The following ELP3 variants were observed in gnomAD, a reference collection of about 807,000 sequenced individuals.
ELP3 encodes the protein elongator acetyltransferase complex subunit 3, also known as elongator complex protein 3.
In ELP3, 56 loss-of-function variants were observed where a neutral mutation model predicts 74.9. The ratio of observed to expected loss-of-function variants is 0.75; its 90% CI spans 0.60 to 0.93. The LOEUF is 0.93. Among genes scored for constraint, ELP3 ranks in the 40% least tolerant of loss-of-function variants. The pLI, the probability that ELP3 is intolerant of heterozygous loss-of-function variation, is 0.00. For synonymous variants in ELP3, 222 were observed against 239.8 expected, an observed-to-expected ratio of 0.93 and a Z score of 0.68; for missense variants, 573 against 686.5, an observed-to-expected ratio of 0.83 and a Z score of 1.85.
At position 28,110,449 on chromosome 8, in the gene ELP3, A is replaced by T. The variant is rs770408147; in HGVS notation, c.462+11A>T. The stretch of plus-strand genomic sequence containing the variant: ...CACCGAATAGAACAGGTACATTTTT[A>T]AAAAACATGTTTCTTAAAAATTAGG... On this transcript the variant is annotated intron_variant, in intron 6 of 14. Coordinates refer to ENST00000256398, the MANE Select transcript of ELP3 (RefSeq NM_018091.6). The T allele has an allele frequency of 3.7e-6, 6 of 1,601,480 alleles. No individual in the cohort carries two copies. The highest frequency in any genetic ancestry group is 4.5e-5 in the East Asian group (2 of 44,778).
At chr8:28,146,203 A>C (rs1813424504) in intron 10 of ELP3, among the ~76,000 whole-genome samples, 1 of 152,184 alleles carries the variant, frequency 6.6e-6, no homozygotes, top group African/African-American at 2.4e-5. Flanking sequence ...CCAGCCCTGA[A>C]GGGTGCAGTC....
chr8:28,185,612 G>A (rs539734697), intron 14 of ELP3, among the ~76,000 whole-genome samples: 35 of 152,286 alleles, frequency 2.3e-4, no homozygotes, highest in Non-Finnish European at 4.3e-4. Flanking sequence ...TTTGTAGATA[G>A]GGGAAGTATC....
At chr8:28,188,296 G>A (rs532253321) in intron 14 of ELP3, among the ~76,000 whole-genome samples, 10 of 152,224 alleles carry the variant, frequency 6.6e-5, no homozygotes, top group African/African-American at 2.4e-4. Flanking sequence ...TTTGGTCTCT[G>A]TTCCTGGTTC....
intron 7 of ELP3, among the ~76,000 whole-genome samples, chr8:28,126,908 T>G (rs1034968227): frequency 4.6e-4 from 70 of 152,356 alleles, no homozygotes; most frequent in Admixed American, 3.3e-3. Flanking sequence ...AAAAATTCAT[T>G]GTTTTGTCAT....
At chr8:28,175,628 A>G (rs537740933) in intron 14 of ELP3, among the ~76,000 whole-genome samples, 4 of 152,198 alleles carry the variant, frequency 2.6e-5, no homozygotes, top group Admixed American at 2.6e-4. Context: ...CCTCAGGAAT[A>G]ATTTCTGTTG....
At chr8:28,155,519 G>T (rs1813790857) in intron 10 of ELP3, among the ~76,000 whole-genome samples, 2 of 152,200 alleles carry the variant, frequency 1.3e-5, no homozygotes, top group South Asian at 4.1e-4. Flanking sequence ...GAGCATCCCA[G>T]TTACTTGTCA....
intron 1 of ELP3, 54 bp downstream of exon 1, chr8:28,093,287 C>T (rs1811117427): frequency 8.7e-6 from 14 of 1,606,226 alleles, no homozygotes; most frequent in Non-Finnish European, 1.2e-5. Context: ...GGGCGAACGC[C>T]CAGGCAATCA....
intron 3 of ELP3, among the ~76,000 whole-genome samples, chr8:28,100,492 A>T (rs561047622): frequency 1.2e-4 from 19 of 152,234 alleles, no homozygotes; most frequent in Non-Finnish European, 2.1e-4. Context: ...GCTAAGGCAC[A>T]GAGGTAGAAA....
intron 14 of ELP3, among the ~76,000 whole-genome samples, chr8:28,177,519 T>C (rs556257211): frequency 6.6e-6 from 1 of 152,364 alleles, no homozygotes; most frequent in Admixed American, 6.5e-5. Context: ...AACAGTTTAA[T>C]TTGTTTTTAT....
chr8:28,177,785 A>G (rs1814821994), intron 14 of ELP3, among the ~76,000 whole-genome samples: 1 of 152,254 alleles, frequency 6.6e-6, no homozygotes, highest in Non-Finnish European at 1.5e-5. Flanking sequence ...GAAAACATTT[A>G]AATTATTAAG....
chr8:28,093,299 A>T, intron 1 of ELP3, 66 bp downstream of exon 1: 1 of 1,596,940 alleles, frequency 6.3e-7, no homozygotes, highest in East Asian at 2.3e-5. Flanking sequence ...AGGCAATCAA[A>T]TGCTGAACCG....
intron 14 of ELP3, among the ~76,000 whole-genome samples, chr8:28,165,544 C>T (rs1814273750): frequency 6.6e-6 from 1 of 152,156 alleles, no homozygotes; most frequent in African/African-American, 2.4e-5. Context: ...CAGTGGTGGC[C>T]TAGATACTCT....
intron 14 of ELP3, among the ~76,000 whole-genome samples, chr8:28,182,917 T>C (rs891344050): frequency 6.6e-5 from 10 of 152,274 alleles, no homozygotes; most frequent in Admixed American, 6.5e-4. Context: ...CTCCTCCGGG[T>C]TGGAGATTCA....
chr8:28,119,358 C>T (rs1235044125), intron 7 of ELP3, among the ~76,000 whole-genome samples: 2 of 151,982 alleles, frequency 1.3e-5, no homozygotes, highest in South Asian at 4.2e-4. Flanking sequence ...ACGATACTTG[C>T]TTTATCACAT....
chr8:28,160,676 A>T (rs1814041227), intron 13 of ELP3, among the ~76,000 whole-genome samples: 1 of 152,178 alleles, frequency 6.6e-6, no homozygotes, highest in Non-Finnish European at 1.5e-5. Flanking sequence ...GTCAGTTGGA[A>T]CATAACAGAT....
intron 10 of ELP3, among the ~76,000 whole-genome samples, chr8:28,144,021 G>T (rs949804476): frequency 6.6e-6 from 1 of 152,060 alleles, no homozygotes; most frequent in African/African-American, 2.4e-5. Context: ...GTATTAATTT[G>T]CATTTCCCTA....
rs529373310 is a variant in ELP3 at position 28,169,347 on chromosome 8, G to A, written c.1567+7269G>A. Among the ~76,000 whole-genome samples the A allele has an allele frequency of 1.3e-4, 20 of 152,290 alleles. No homozygotes were observed. The East Asian group carries it at 3.3e-3, about 25-fold the overall frequency. ...ACCCTCTTATTTCCTTAATGATTCT[G>A]TGGGTCAGAAATTCAGCAGGGCATA... On this transcript the variant is annotated intron_variant, in intron 14 of 14. Transcript: ENST00000256398.
intron 7 of ELP3, among the ~76,000 whole-genome samples, chr8:28,120,391 G>A (rs1812321416): frequency 6.6e-6 from 1 of 152,132 alleles, no homozygotes; most frequent in Non-Finnish European, 1.5e-5. Flanking sequence ...CCTTTGTGAA[G>A]TATCTATTAA....
chr8:28,158,527 T>TGCCACCCC, intron 11 of ELP3, 41 bp from the exon 12 acceptor site: 4 of 1,213,192 alleles, frequency 3.3e-6, no homozygotes, highest in South Asian at 1.2e-5. Context: ...TTTGTACCCC[T>TGCCACCCC]CCCACCCCCC....
Sources: allele counts gnomAD v4.1 joint callset (sites outside exome capture counted in the v4.1 genomes callset), GRCh38; gene constraint gnomAD v4.1.1; transcripts MANE v1.5; gene names NCBI Gene and HGNC (gene_info 2026-07-23, HGNC 2026-07-21).